Variants in GAN observed in about 807,000 individuals in gnomAD.
The protein encoded by GAN is epididymis secretory sperm binding protein.
Under a neutral mutation model 71.3 loss-of-function variants are expected in GAN, and 48 were observed. The ratio of observed to expected loss-of-function variants is 0.67; its 90% confidence interval spans 0.53 to 0.86. The LOEUF (loss-of-function observed/expected upper bound fraction) is 0.86. Ranked by LOEUF, GAN falls within the 40% of genes least tolerant of loss-of-function variation. The pLI is 0.00. For missense variants in GAN, 928 were observed against 770.1 expected (o/e 1.21, Z -2.43); for synonymous variants, 386 against 276.8 (o/e 1.39, Z -3.92).
rs771287317 is a variant in GAN at position 81,354,355 on chromosome 16, G to A, written c.283-50G>A. The A allele has an allele frequency of 5.1e-6, 6 of 1,170,648 alleles. No homozygotes were observed. In the African/African-American group the frequency reaches 7.5e-5, roughly 15 times the overall value. The allele number at this position is 1,170,648 out of a possible 1,614,324, so 72.5% of individuals were successfully genotyped here. A position where few individuals can be genotyped will look rare whatever the true frequency, so the allele number is the denominator to read the frequency against. On this transcript the variant is annotated intron_variant, in intron 2 of 10. Coordinates refer to ENST00000648994, the MANE Select transcript of GAN (RefSeq NM_022041.4). ...CCCCAATTAATAGGTTAGTGGTTTGGGTTTTAAATGTACACATTCAAATAT... is the reference window on the plus strand; with the variant it reads ...CCCCAATTAATAGGTTAGTGGTTTGAGTTTTAAATGTACACATTCAAATAT...
intron 8 of GAN, 83 bp from the exon 9 acceptor site, chr16:81,365,267 G>A (rs1910814033): frequency 6.3e-7 from 1 of 1,589,068 alleles, no homozygotes; most frequent in Non-Finnish European, 8.6e-7. Context: ...ATGCTGCAGA[G>A]TTAAACCAGC....
chr16:81,373,890 G>A (rs181672202), intron 9 of GAN, among the ~76,000 whole-genome samples: 5 of 152,174 alleles, frequency 3.3e-5, no homozygotes, highest in Non-Finnish European at 5.9e-5. Context: ...CTACAGGCAC[G>A]TGCCACCATG....
At chr16:81,340,843 C>G (rs1282827427) in intron 1 of GAN, among the ~76,000 whole-genome samples, 6 of 151,876 alleles carry the variant, frequency 4.0e-5, no homozygotes, top group Non-Finnish European at 8.8e-5. Context: ...ACAAACTTCT[C>G]CAAGCTAAAG....
intron 9 of GAN, among the ~76,000 whole-genome samples, chr16:81,365,767 T>C (rs1910836076): frequency 6.6e-6 from 1 of 151,952 alleles, no homozygotes; most frequent in Non-Finnish European, 1.5e-5. Flanking sequence ...ACTCCTTAAC[T>C]TGTTGGGCAT....
rs1904309857 is a variant in GAN at position 81,382,352 on chromosome 16, G to A, written c.*4756G>A. The A allele has an allele frequency of 1.3e-5, 2 of 152,186 alleles. No homozygotes were observed. The highest frequency in any genetic ancestry group is 4.8e-5 in the African/African-American group (2 of 41,446). 9.4% of individuals were successfully genotyped at this position (152,186 alleles called of 1,614,324 possible). A position where few individuals can be genotyped will look rare whatever the true frequency, so the allele number is the denominator to read the frequency against. ...TAATACAATTTACGCTCCCAAACAT[G>A]TCCTTTGCTAGTTGCACAGGCATAA... On this transcript the variant is annotated 3_prime_UTR_variant, in exon 11 of 11. Coordinates refer to ENST00000648994, the MANE Select transcript of GAN (RefSeq NM_022041.4).
intron 1 of GAN, among the ~76,000 whole-genome samples, chr16:81,337,707 C>G (rs946087424): frequency 6.6e-6 from 1 of 152,148 alleles, no homozygotes; most frequent in South Asian, 2.1e-4. Context: ...AGCTAGTAGC[C>G]AACGACTTTT....
intron 5 of GAN, among the ~76,000 whole-genome samples, chr16:81,360,207 C>A (rs554673058): frequency 4.5e-4 from 68 of 152,296 alleles, no homozygotes; most frequent in African/African-American, 1.6e-3. Context: ...GATCATCTCC[C>A]TTCTCTCTGA....
chr16:81,385,911 A>G lies in GAN; in HGVS notation c.*8315A>G, dbSNP rs1904386885. ...ACTACAAGTGCACACCAGTATGCCC[A>G]GCTAATTTTTTGTATTTTTAGAACA... is the stretch of plus-strand genomic sequence containing the variant. On this transcript the variant is annotated 3_prime_UTR_variant, in exon 11 of 11. Transcript: ENST00000648994. 4 of 151,410 alleles carry G rather than the reference A, an allele frequency of 2.6e-5. No individual in the cohort carries two copies. In the Admixed American group the frequency reaches 2.6e-4, roughly 10 times the overall value. 9.4% of individuals were successfully genotyped at this position (151,410 alleles called of 1,614,324 possible).
chr16:81,357,834 G>A lies in GAN; in HGVS notation c.876G>A (p.Met292Ile). 1.2e-6 allele frequency: 2 copies of A among 1,613,292 alleles called. No individual in the cohort carries two copies. The highest frequency in any genetic ancestry group is 1.7e-6 in the Non-Finnish European group (2 of 1,179,226). The change falls in exon 5 of 11, where the codon ATG (methionine) becomes ATA (isoleucine). Residue 292 changes from methionine to isoleucine, a missense_variant. Coordinates refer to ENST00000648994, the MANE Select transcript of GAN (RefSeq NM_022041.4). ...GTTCACGGAAACCCACAGCAGCGAT[G>A]CGATGCATGTGCCCTCTCTATGACC... ...ERVSRKPTAA[M>I]RCMCPLYDPN...
intron 3 of GAN, among the ~76,000 whole-genome samples, chr16:81,355,967 T>G (rs1359289897): frequency 2.0e-5 from 3 of 152,188 alleles, no homozygotes; most frequent in African/African-American, 7.2e-5. Context: ...GTAAAGGAGA[T>G]AGAAAAATGA....
intron 1 of GAN, among the ~76,000 whole-genome samples, chr16:81,338,131 G>A (rs1909825741): frequency 6.6e-6 from 1 of 152,110 alleles, no homozygotes; most frequent in South Asian, 2.1e-4. Context: ...AATGTGACAT[G>A]CATAGTATTT....
chr16:81,335,511 C>T (rs1439000238), intron 1 of GAN, among the ~76,000 whole-genome samples: 1 of 151,856 alleles, frequency 6.6e-6, no homozygotes, highest in Non-Finnish European at 1.5e-5. Flanking sequence ...CTTTGGGAGA[C>T]CAAGGTGGGC....
intron 9 of GAN, among the ~76,000 whole-genome samples, chr16:81,371,341 G>T (rs945522536): frequency 2.6e-5 from 4 of 152,114 alleles, no homozygotes; most frequent in African/African-American, 9.7e-5. Context: ...TTGAGAAATG[G>T]GTTCTAATTT....
At chr16:81,373,801 G>A (rs770160432) in intron 9 of GAN, among the ~76,000 whole-genome samples, 6 of 152,144 alleles carry the variant, frequency 3.9e-5, no homozygotes, top group Non-Finnish European at 7.4e-5. Flanking sequence ...GGAGTGCAAT[G>A]GCGCGATCTC....
intron 9 of GAN, among the ~76,000 whole-genome samples, chr16:81,374,442 T>C (rs925078412): frequency 2.0e-5 from 3 of 152,242 alleles, no homozygotes; most frequent in Non-Finnish European, 4.4e-5. Flanking sequence ...GCAGAAGTCA[T>C]TACTGTGGTG....
chr16:81,364,305 T>G (rs1033459170), intron 7 of GAN, among the ~76,000 whole-genome samples: 2 of 152,202 alleles, frequency 1.3e-5, no homozygotes, highest in Non-Finnish European at 2.9e-5. Context: ...GGTCTTACTC[T>G]GTTGCCCAGA....
chr16:81,339,389 G>C (rs1012167427), intron 1 of GAN, among the ~76,000 whole-genome samples: 5 of 152,156 alleles, frequency 3.3e-5, no homozygotes, highest in African/African-American at 1.2e-4. Flanking sequence ...TTGTACCTAA[G>C]GTCATCAGAA....
At chr16:81,321,270 G>A (rs555280146) in intron 1 of GAN, among the ~76,000 whole-genome samples, 5 of 152,262 alleles carry the variant, frequency 3.3e-5, no homozygotes, top group Admixed American at 2.6e-4. Flanking sequence ...CAGATTTATC[G>A]TAGAACTTTC....
At position 81,365,700 on chromosome 16, in the gene GAN, G is replaced by A. The variant is rs2615701; in HGVS notation, c.1502+222G>A. Among the ~76,000 whole-genome samples, 34,952 of 150,568 alleles carry A rather than the reference G, an allele frequency of 0.23. 4,230 individuals carry two copies. The highest frequency in any genetic ancestry group is 0.28 in the Non-Finnish European group (18,647 of 67,740). On this transcript the variant is annotated intron_variant, in intron 9 of 10. Transcript: ENST00000648994. ...TCTAATATGTAGATGAGATCTTGAC[G>A]CTTAGTTGCTTAAAATCATTTATTG...
Sources: gnomAD v4.1 joint callset for allele counts (sites outside exome capture counted in the v4.1 genomes callset) on GRCh38, gnomAD v4.1.1 for gene constraint, MANE v1.5 for transcripts, NCBI Gene and HGNC (gene_info 2026-07-23, HGNC 2026-07-21) for gene names.